Variants in NRXN1 observed in about 807,000 individuals in gnomAD.
NRXN1 encodes neurexin-1.
NRXN1 carries 39 observed loss-of-function variants against 150.9 expected under a neutral mutation model. The ratio of observed to expected loss-of-function variants is 0.26; its 90% confidence interval spans 0.20 to 0.34. The LOEUF is 0.34. NRXN1 is among the 10% of genes least tolerant of loss of function. The pLI is 1.00. For missense variants in NRXN1, 1,815 were observed against 1,949.9 expected, an observed-to-expected ratio of 0.93 and a Z score of 1.30; for synonymous variants, 924 against 757.0, an observed-to-expected ratio of 1.22 and a Z score of -3.62.
At chr2:50,065,521 T>C (rs1695226108) in intron 19 of NRXN1, among the ~76,000 whole-genome samples, 1 of 152,172 alleles carries the variant, frequency 6.6e-6, no homozygotes, top group Admixed American at 6.5e-5. Context: ...TATGGACACA[T>C]GAAATCAGTA....
chr2:50,000,965 G>C (rs1402337295), intron 21 of NRXN1, among the ~76,000 whole-genome samples: 1 of 152,158 alleles, frequency 6.6e-6, no homozygotes, highest in African/African-American at 2.4e-5. Flanking sequence ...CTTAATTTCA[G>C]ATAAGATAAA....
rs938438027 is a variant in NRXN1 at position 50,620,180 on chromosome 2, T to A, written c.1162A>T (p.Thr388Ser). 7 of 1,613,060 alleles carry A rather than the reference T, an allele frequency of 4.3e-6. No individual in the cohort carries two copies. The African/African-American group carries it at 9.3e-5, about 22-fold the overall frequency. The change falls in exon 8 of 23, where the codon ACA becomes TCA. Residue 388 changes from threonine to serine, a missense_variant. Thr to Ser is a moderately conservative substitution (Grantham distance 58, BLOSUM62 1). Transcript: ENST00000401669. Reference protein sequence around the residue: ...QHSGIGHAMVTISVDGILTTT... With the variant: ...QHSGIGHAMVSISVDGILTTT... ...GTAAGAATCCCATCCACTGATATTG[T>A]CACCTAGATAACAAAGCACAGGGAA...
chr2:49,987,719 A>T (rs1320912872), intron 21 of NRXN1, among the ~76,000 whole-genome samples: 1 of 151,612 alleles, frequency 6.6e-6, no homozygotes. Context: ...AAATAGAAGG[A>T]TGAGCTAATC....
At chr2:50,723,319 T>C (rs1482525044) in intron 5 of NRXN1, among the ~76,000 whole-genome samples, 2 of 152,202 alleles carry the variant, frequency 1.3e-5, no homozygotes, top group African/African-American at 4.8e-5. Flanking sequence ...GGATGTCATG[T>C]GTCTTGTCGG....
intron 17 of NRXN1, among the ~76,000 whole-genome samples, chr2:50,340,604 T>A (rs1251993437): frequency 2.0e-5 from 3 of 151,974 alleles, no homozygotes; most frequent in Admixed American, 1.3e-4. Flanking sequence ...ATGTTTAGAA[T>A]CAATACGTCC....
At chr2:50,424,312 G>A (rs1305665675) in intron 17 of NRXN1, among the ~76,000 whole-genome samples, 4 of 110,768 alleles carry the variant, frequency 3.6e-5, no homozygotes, top group Non-Finnish European at 7.5e-5. Flanking sequence ...AGGAGGAGGG[G>A]GAGGAGGAGG....
At chr2:50,731,471 A>T (rs1698104591) in intron 5 of NRXN1, among the ~76,000 whole-genome samples, 1 of 152,222 alleles carries the variant, frequency 6.6e-6, no homozygotes, top group African/African-American at 2.4e-5. Flanking sequence ...AAAAAATGTT[A>T]TCCGGCAGAT....
At chr2:50,485,556 C>A (rs186909630) in intron 15 of NRXN1, among the ~76,000 whole-genome samples, 1 of 152,152 alleles carries the variant, frequency 6.6e-6, no homozygotes, top group Admixed American at 6.5e-5. Flanking sequence ...TGGAATGGAA[C>A]GGAAATGAGA....
intron 17 of NRXN1, among the ~76,000 whole-genome samples, chr2:50,325,916 C>T (rs1174234186): frequency 1.3e-5 from 2 of 151,930 alleles, no homozygotes; most frequent in African/African-American, 4.8e-5. Flanking sequence ...ATCTGTAGAG[C>T]CTAACAAAAA....
chr2:50,944,081 G>A (rs1440500953), intron 2 of NRXN1, among the ~76,000 whole-genome samples: 1 of 152,166 alleles, frequency 6.6e-6, no homozygotes, highest in Non-Finnish European at 1.5e-5. Flanking sequence ...GAATTAAAAA[G>A]GAACTTGTAG....
At chr2:50,157,717 C>A (rs1466805006) in intron 18 of NRXN1, among the ~76,000 whole-genome samples, 1 of 151,900 alleles carries the variant, frequency 6.6e-6, no homozygotes, top group African/African-American at 2.4e-5. Context: ...GAGGAAGAAA[C>A]AATGCAAATA....
rs1695446360 is a variant in NRXN1 at position 50,974,069 on chromosome 2, T to C, written c.773-48114A>G. Among the ~76,000 whole-genome samples the C allele has an allele frequency of 2.6e-5, 4 of 152,252 alleles. No homozygotes were observed. In the South Asian group the frequency reaches 8.3e-4, roughly 32 times the overall value. The stretch of plus-strand genomic sequence containing the variant: ...GCAGCCTGAGAAGTGCGTTCTACTC[T>C]AAGTGATCCAAGTTTCCCAAACAGA... On this transcript the variant is annotated intron_variant, in intron 2 of 22. Coordinates refer to ENST00000401669, the MANE Select transcript of NRXN1 (RefSeq NM_001330078.2).
intron 18 of NRXN1, chr2:50,174,522 A>C (rs911499680): frequency 1.3e-5 from 2 of 152,298 alleles, no homozygotes; most frequent in African/African-American, 4.8e-5. Flanking sequence ...ATTCAGATTC[A>C]ACAGCCACTA....
chr2:50,323,646 T>C (rs1463441628), intron 17 of NRXN1, among the ~76,000 whole-genome samples: 1 of 151,800 alleles, frequency 6.6e-6, no homozygotes, highest in African/African-American at 2.4e-5. Context: ...TACTCTGACC[T>C]TACAAATGGT....
At chr2:51,021,048 T>C (rs1669523531) in intron 2 of NRXN1, among the ~76,000 whole-genome samples, 2 of 152,044 alleles carry the variant, frequency 1.3e-5, no homozygotes, top group South Asian at 4.1e-4. Flanking sequence ...ATTCCTATAC[T>C]TATGAATAAT....
Position 50,266,541 on chromosome 2 carries a change from AC to A in NRXN1, c.3365-29572del, listed in dbSNP as rs1418748970. On this transcript the variant is annotated intron_variant, in intron 17 of 22. Transcript: ENST00000401669. ...TATTTATATATGTATATAAATACAC[AC>A]ACACACACACACACACACACACACA... Among the ~76,000 whole-genome samples, 73 of 133,486 alleles carry A rather than the reference AC, an allele frequency of 5.5e-4. 1 individual carries two copies. The highest frequency in any genetic ancestry group is 2.1e-3 in the African/African-American group (71 of 33,946). 87.6% of individuals were successfully genotyped at this position (133,486 alleles called of 152,430 possible). A position where few individuals can be genotyped will look rare whatever the true frequency, so the allele number is the denominator to read the frequency against.
rs1366433282 is a variant in NRXN1, at chr2:50,329,649, ATATATATATATATATATATATATAT to A, written c.3365-92704_3365-92680del. Among the ~76,000 whole-genome samples the A allele has an allele frequency of 3.3e-3, 72 of 22,008 alleles. 5 individuals carry two copies. In the East Asian group the frequency reaches 0.2, roughly 61 times the overall value. 14.4% of individuals were successfully genotyped at this position (22,008 alleles called of 152,430 possible). On this transcript the variant is annotated intron_variant, in intron 17 of 22. Transcript: ENST00000401669. ...TATATATATATATATATATATATAT[ATATATATATATATATATATATATAT>A]TTTTTTTTTTCCCCCCCGAGACGGA...
chr2:50,216,067 T>C (rs2063376717), intron 18 of NRXN1, among the ~76,000 whole-genome samples: 1 of 151,882 alleles, frequency 6.6e-6, no homozygotes, highest in African/African-American at 2.4e-5. Context: ...ATTTTTAAAA[T>C]ACTTTGGGCC....
At chr2:51,029,715 G>T (rs542377045) in intron 1 of NRXN1, among the ~76,000 whole-genome samples, 1 of 152,290 alleles carries the variant, frequency 6.6e-6, no homozygotes, top group East Asian at 1.9e-4. Context: ...ATGGTTTCTT[G>T]ATAGTCTCTT....
Sources: gnomAD v4.1 joint callset for allele counts (sites outside exome capture counted in the v4.1 genomes callset) on GRCh38, gnomAD v4.1.1 for gene constraint, MANE v1.5 for transcripts, NCBI Gene and HGNC (gene_info 2026-07-23, HGNC 2026-07-21) for gene names.